BCL10: variants seen among roughly 807,000 people sequenced by gnomAD.
BCL10 encodes BCL10 immune signaling adaptor.
A neutral mutation model predicts 19.2 loss-of-function variants in BCL10; 5 were observed. That is an observed-to-expected ratio of 0.26 (90% confidence interval 0.14 to 0.55). The LOEUF (loss-of-function observed/expected upper bound fraction) is 0.55, where lower values mean the gene tolerates loss of function less well. Ranked by LOEUF, BCL10 falls within the 20% of genes least tolerant of loss-of-function variation. The pLI is 0.94. For synonymous variants in BCL10, 110 were observed against 98.8 expected (o/e 1.11, Z -0.67); for missense variants, 201 against 271.9 (o/e 0.74, Z 1.83).
intron 1 of BCL10, among the ~76,000 whole-genome samples, chr1:85,272,606 A>G (rs1317265662): frequency 2.0e-5 from 3 of 152,120 alleles, no homozygotes; most frequent in South Asian, 4.1e-4. Context: ...GCCCTGTCTT[A>G]AAGGATAAAG....
chr1:85,268,079 C>T lies in BCL10; in HGVS notation c.347-97G>A, dbSNP rs1660254817. On this transcript the variant is annotated intron_variant, in intron 2 of 2. Transcript: ENST00000648566. ...TGTTAAAGATTACAAGCTAGTTACC[C>T]CACAATCAAAATTTAAATAGCAACT... 7.9e-6 allele frequency: 6 copies of T among 755,274 alleles called. No homozygotes were observed. In the South Asian group the frequency reaches 1.2e-4, roughly 15 times the overall value. 46.8% of individuals were successfully genotyped at this position (755,274 alleles called of 1,614,324 possible).
chr1:85,276,424 C>G lies in BCL10; in HGVS notation c.-72G>C. 1 of 1,537,338 alleles carries G rather than the reference C, an allele frequency of 6.5e-7. No homozygotes were observed. Among genetic ancestry groups the G allele is most frequent in the Non-Finnish European group, 9.0e-7 (1 of 1,112,802 alleles). ...TGCGCCGCCCCGCCCTGGCTGGGGG[C>G]TTCGGCCTCCGGGTAATGGGGAAGA... On this transcript the variant is annotated 5_prime_UTR_variant, in exon 1 of 3. Coordinates refer to ENST00000648566, the MANE Select transcript of BCL10 (RefSeq NM_003921.5).
At position 85,276,510 on chromosome 1, in the gene BCL10, C is replaced by CG. The variant is rs1660538512; in HGVS notation, c.-159dup. 1 of 763,844 alleles carries CG rather than the reference C, an allele frequency of 1.3e-6. No individual in the cohort carries two copies. Among genetic ancestry groups the CG allele is most frequent in the African/African-American group, 1.7e-5 (1 of 57,436 alleles). 47.3% of individuals were successfully genotyped at this position (763,844 alleles called of 1,614,324 possible). On this transcript the variant is annotated 5_prime_UTR_variant, in exon 1 of 3. Coordinates refer to ENST00000648566, the MANE Select transcript of BCL10 (RefSeq NM_003921.5). The stretch of plus-strand genomic sequence containing the variant: ...CCGCCCCTTCGGGAACAGAGGGACT[C>CG]GGGGGTCAAACCGTAGCGCTTCCGG...
At position 85,266,529 on chromosome 1, in the gene BCL10, A is replaced by G. The variant is rs910479022; in HGVS notation, c.*1098T>C. The G allele has an allele frequency of 1.1e-5, 2 of 185,410 alleles. No homozygotes were observed. The highest frequency in any genetic ancestry group is 2.3e-5 in the Non-Finnish European group (2 of 87,440). 11.5% of individuals were successfully genotyped at this position (185,410 alleles called of 1,614,324 possible). On this transcript the variant is annotated 3_prime_UTR_variant, in exon 3 of 3. Coordinates refer to ENST00000648566, the MANE Select transcript of BCL10 (RefSeq NM_003921.5). Reference sequence around the variant, plus strand: ...TTTGTTCCAGTTATTTCAACTGTACATTGGTCCTCATTAAAAGAGAATGAA... The same window carrying G: ...TTTGTTCCAGTTATTTCAACTGTACGTTGGTCCTCATTAAAAGAGAATGAA...
chr1:85,267,716 G>C lies in BCL10; in HGVS notation c.613C>G (p.Pro205Ala), dbSNP rs971492503. Residue 205 changes from proline to alanine, a missense_variant, in exon 3 of 3, where the codon CCA becomes GCA. By Grantham distance (27) the Pro-to-Ala change is conservative. This residue lies in a region of BCL10 where 126 missense variants were observed against 136.6 expected (regional missense o/e 0.92). Transcript: ENST00000648566. The part of the protein sequence containing the change: ...PGDPGAPPLP[P>A]DLQLEEEGTC... ...CCTTCTTCTTCTAACTGTAGATCTG[G>C]TGGCAAAGGAGGAGCCCCTGGGTCC... The C allele has an allele frequency of 3.1e-6, 5 of 1,614,208 alleles. No homozygotes were observed. Among genetic ancestry groups the C allele is most frequent in the African/African-American group, 1.3e-5 (1 of 75,042 alleles).
chr1:85,270,930 A>G (rs370610770), intron 1 of BCL10, 24 bp from the exon 2 acceptor site: 1 of 1,584,844 alleles, frequency 6.3e-7, no homozygotes, highest in Non-Finnish European at 8.5e-7. Flanking sequence ...AATATGGTTC[A>G]ATGTTATTTT....
chr1:85,267,898 G>A lies in BCL10; in HGVS notation c.431C>T (p.Ser144Phe). 1.2e-6 allele frequency: 2 copies of A among 1,613,896 alleles called. No homozygotes were observed. Among genetic ancestry groups the A allele is most frequent in the Non-Finnish European group, 1.7e-6 (2 of 1,179,938 alleles). The change falls in exon 3 of 3, where the codon TCT becomes TTT. Residue 144 changes from serine to phenylalanine, a missense_variant. Transcript: ENST00000648566. ...GACAGTGGATGCCCTCAGTTTTTCAGAGAAATTACTCTCATCTGAATTTGA... is the reference window on the plus strand; with the variant it reads ...GACAGTGGATGCCCTCAGTTTTTCAAAGAAATTACTCTCATCTGAATTTGA... ...SRSNSDESNF[S>F]EKLRASTVMY...
Position 85,267,954 on chromosome 1 carries a change from A to C in BCL10, c.375T>G (p.Phe125Leu), listed in dbSNP as rs1202565612. Reference sequence around the variant, plus strand: ...AGAGGTTGTTCGTGGCTCCATCTGGAAAAGGTTCACAACTGCTACATTTTA... The same window carrying C: ...AGAGGTTGTTCGTGGCTCCATCTGGCAAAGGTTCACAACTGCTACATTTTA... ...KGLKCSSCEP[F>L]PDGATNNLSR... Residue 125 changes from phenylalanine to leucine, a missense_variant, in exon 3 of 3, where the codon TTT becomes TTG. By Grantham distance (22) the Phe-to-Leu change is conservative. Coordinates refer to ENST00000648566, the MANE Select transcript of BCL10 (RefSeq NM_003921.5). The C allele has an allele frequency of 1.3e-6, 2 of 1,593,904 alleles. No individual in the cohort carries two copies. Among genetic ancestry groups the C allele is most frequent in the Non-Finnish European group, 1.7e-6 (2 of 1,169,344 alleles).
At position 85,267,819 on chromosome 1, in the gene BCL10, A is replaced by C; in HGVS notation, c.510T>G (p.Ser170=). 1 of 1,614,256 alleles carries C rather than the reference A, an allele frequency of 6.2e-7. No homozygotes were observed. Among genetic ancestry groups the C allele is most frequent in the Non-Finnish European group, 8.5e-7 (1 of 1,180,048 alleles). ...CTTCTAGAACAGGCAAATTCAGAGA[A>C]GAATTAGTAGAAAAAAAGGGCGTCG... is the stretch of plus-strand genomic sequence containing the variant. ...SSTTPFFSTN[S]SLNLPVLEVG... is the part of the protein sequence containing the mutation. The change falls in exon 3 of 3, where the codon TCT becomes TCG. Residue 170 remains serine, a synonymous_variant. Transcript: ENST00000648566.
At chr1:85,271,696 CTG>C (rs1462833253) in intron 1 of BCL10, among the ~76,000 whole-genome samples, 6 of 152,154 alleles carry the variant, frequency 3.9e-5, no homozygotes, top group Non-Finnish European at 8.8e-5. Flanking sequence ...ATTAACTCCT[CTG>C]TGCTTGTTTC....
chr1:85,271,017 AG>A lies in BCL10; in HGVS notation c.58-112del. On this transcript the variant is annotated intron_variant, in intron 1 of 2. Coordinates refer to ENST00000648566, the MANE Select transcript of BCL10 (RefSeq NM_003921.5). ...TGTGAGACAATGTTCTAAAGTCAGGAGGCTCAGGCCTTCTAAAATGCATGCT... is the reference window on the plus strand; with the variant it reads ...TGTGAGACAATGTTCTAAAGTCAGGAGCTCAGGCCTTCTAAAATGCATGCT... 3.6e-6 allele frequency: 4 copies of A among 1,097,934 alleles called. No individual in the cohort carries two copies. In the South Asian group the frequency reaches 5.6e-5, roughly 15 times the overall value. 68.0% of individuals were successfully genotyped at this position (1,097,934 alleles called of 1,614,324 possible). A position where few individuals can be genotyped will look rare whatever the true frequency, so the allele number is the denominator to read the frequency against.
At position 85,266,787 on chromosome 1, in the gene BCL10, G is replaced by C. The variant is rs1660203556; in HGVS notation, c.*840C>G. 5.7e-6 allele frequency: 1 copy of C among 174,142 alleles called. No individual in the cohort carries two copies. The highest frequency in any genetic ancestry group is 1.2e-5 in the Non-Finnish European group (1 of 83,442). 10.8% of individuals were successfully genotyped at this position (174,142 alleles called of 1,614,324 possible). On this transcript the variant is annotated 3_prime_UTR_variant, in exon 3 of 3. Coordinates refer to ENST00000648566, the MANE Select transcript of BCL10 (RefSeq NM_003921.5). ...TATATTACTTGAGAGGCTGAGGTGA[G>C]AGGATCACGTAAGCATGGGAGGCAG...
At position 85,267,094 on chromosome 1, in the gene BCL10, C is replaced by T. The variant is rs1660219801; in HGVS notation, c.*533G>A. On this transcript the variant is annotated 3_prime_UTR_variant, in exon 3 of 3. Transcript: ENST00000648566. ...GGCTCACACTCCATCAAGTGTTCCT[C>T]CAGTATCAAAAAGAGGCTGTTTACA... The T allele has an allele frequency of 5.3e-6, 1 of 189,542 alleles. No homozygotes were observed. The highest frequency in any genetic ancestry group is 2.3e-5 in the African/African-American group (1 of 42,860). 11.7% of individuals were successfully genotyped at this position (189,542 alleles called of 1,614,324 possible). A position where few individuals can be genotyped will look rare whatever the true frequency, so the allele number is the denominator to read the frequency against.
chr1:85,276,573 G>T lies in BCL10; in HGVS notation c.-221C>A. 1.7e-6 allele frequency: 1 copy of T among 600,660 alleles called. No individual in the cohort carries two copies. The highest frequency in any genetic ancestry group is 2.0e-5 in the South Asian group (1 of 50,748). 37.2% of individuals were successfully genotyped at this position (600,660 alleles called of 1,614,324 possible). On this transcript the variant is annotated 5_prime_UTR_variant, in exon 1 of 3. Transcript: ENST00000648566. The stretch of plus-strand genomic sequence containing the variant: ...GGTCGACGGCGACGCGAATCTACGC[G>T]ACGCGACGCGGAGCTCGGAGCAGCG...
Position 85,267,536 on chromosome 1 carries a change from A to T in BCL10, c.*91T>A. On this transcript the variant is annotated 3_prime_UTR_variant, in exon 3 of 3. Coordinates refer to ENST00000648566, the MANE Select transcript of BCL10 (RefSeq NM_003921.5). ...ATTGCATTTTAAAAGACATGCATCA[A>T]ATGTAAACAAATGATTACAGCCATT... The T allele has an allele frequency of 9.4e-7, 1 of 1,068,088 alleles. No homozygotes were observed. The highest frequency in any genetic ancestry group is 2.5e-5 in the East Asian group (1 of 39,692). The allele number at this position is 1,068,088 out of a possible 1,614,324, so 66.2% of individuals were successfully genotyped here. A position where few individuals can be genotyped will look rare whatever the true frequency, so the allele number is the denominator to read the frequency against.
rs1570328752 is a variant in BCL10 at position 85,267,335 on chromosome 1, A to G, written c.*292T>C. On this transcript the variant is annotated 3_prime_UTR_variant, in exon 3 of 3. Transcript: ENST00000648566. ...AGTAAGGGTCTATTCTCAAATAGAGATATATTCCCTATTAAAATCAGTCTT... is the reference window on the plus strand; with the variant it reads ...AGTAAGGGTCTATTCTCAAATAGAGGTATATTCCCTATTAAAATCAGTCTT... 6.2e-6 allele frequency: 2 copies of G among 320,804 alleles called. No individual in the cohort carries two copies. Among genetic ancestry groups the G allele is most frequent in the East Asian group, 1.0e-4 (2 of 19,400 alleles). 19.9% of individuals were successfully genotyped at this position (320,804 alleles called of 1,614,324 possible). A position where few individuals can be genotyped will look rare whatever the true frequency, so the allele number is the denominator to read the frequency against.
At chr1:85,274,944 C>A (rs1382107669) in intron 1 of BCL10, among the ~76,000 whole-genome samples, 1 of 152,186 alleles carries the variant, frequency 6.6e-6, no homozygotes, top group Admixed American at 6.5e-5. Flanking sequence ...GAACAAAGAC[C>A]TGGAAGCCAC....
At position 85,266,666 on chromosome 1, in the gene BCL10, G is replaced by A. The variant is rs1373005591; in HGVS notation, c.*961C>T. 1 of 179,200 alleles carries A rather than the reference G, an allele frequency of 5.6e-6. No homozygotes were observed. Among genetic ancestry groups the A allele is most frequent in the Non-Finnish European group, 1.2e-5 (1 of 83,600 alleles). 11.1% of individuals were successfully genotyped at this position (179,200 alleles called of 1,614,324 possible). A position where few individuals can be genotyped will look rare whatever the true frequency, so the allele number is the denominator to read the frequency against. On this transcript the variant is annotated 3_prime_UTR_variant, in exon 3 of 3. Coordinates refer to ENST00000648566, the MANE Select transcript of BCL10 (RefSeq NM_003921.5). ...CTGGGTAGGTTGCTTGAGTCCAGGA[G>A]TTCAAGACCAGCCTGGCCAACATGG...
intron 2 of BCL10, among the ~76,000 whole-genome samples, chr1:85,270,382 C>G (rs551478032): frequency 2.0e-5 from 3 of 152,226 alleles, no homozygotes; most frequent in African/African-American, 7.2e-5. Context: ...AAGTGATCCT[C>G]CCACCTCAGC....
Sources: allele counts gnomAD v4.1 joint callset (sites outside exome capture counted in the v4.1 genomes callset), GRCh38; gene constraint gnomAD v4.1.1; regional missense constraint gnomAD v4.1.1; transcripts MANE v1.5; gene names NCBI Gene and HGNC (gene_info 2026-07-23, HGNC 2026-07-21).